The following PLCZ1 variants were observed in gnomAD, a reference collection of about 807,000 sequenced individuals.
PLCZ1 encodes 1-phosphatidylinositol 4,5-bisphosphate phosphodiesterase zeta-1.
PLCZ1 carries 64 observed loss-of-function variants against 76.8 expected under a neutral mutation model. The ratio of observed to expected loss-of-function variants is 0.83; its 90% CI spans 0.68 to 1.03. The LOEUF (loss-of-function observed/expected upper bound fraction) is 1.03. PLCZ1 is among the 50% of genes least tolerant of loss of function. The pLI is 0.00. For synonymous variants in PLCZ1, 248 were observed against 230.8 expected (o/e 1.07, Z -0.68); for missense variants, 751 against 713.7 (o/e 1.05, Z -0.60).
intron 2 of PLCZ1, among the ~76,000 whole-genome samples, chr12:18,737,035 G>T (rs1959413455): frequency 6.6e-6 from 1 of 152,024 alleles, no homozygotes. Flanking sequence ...AGATCGAAAT[G>T]AGATAATGAC....
chr12:18,694,832 T>A, intron 12 of PLCZ1, 78 bp downstream of exon 12: 1 of 1,133,902 alleles, frequency 8.8e-7, no homozygotes, highest in South Asian at 1.5e-5. Flanking sequence ...AGCAAATCAG[T>A]GGAATTCAAA....
At chr12:18,684,446 G>A (rs187069002) in intron 13 of PLCZ1, among the ~76,000 whole-genome samples, 167 bp from the exon 14 acceptor site, 6 of 152,148 alleles carry the variant, frequency 3.9e-5, no homozygotes. Flanking sequence ...ATAATAACCA[G>A]ACAATAATGA....
the PLCZ1 span, among the ~76,000 whole-genome samples, chr12:18,665,724 C>G: frequency 1.3e-5 from 2 of 152,070 alleles, no homozygotes; most frequent in African/African-American, 4.8e-5. Flanking sequence ...ATCACGAGGT[C>G]AGGAGATCGA....
chr12:18,701,059 A>C (rs979086284), intron 9 of PLCZ1, among the ~76,000 whole-genome samples: 4 of 151,418 alleles, frequency 2.6e-5, no homozygotes, highest in Admixed American at 6.6e-5. Flanking sequence ...ATCTCGGCTC[A>C]CTGCAACATC....
chr12:18,679,901 A>C (rs12312063), downstream of PLCZ1, among the ~76,000 whole-genome samples: 59,067 of 151,888 alleles, frequency 0.39, 14,253 homozygotes, highest in South Asian at 0.59. Flanking sequence ...AAGAAAATCT[A>C]TCTCTTCATC....
the PLCZ1 span, among the ~76,000 whole-genome samples, chr12:18,677,352 G>A: frequency 5.3e-5 from 8 of 152,196 alleles, no homozygotes; most frequent in East Asian, 9.7e-4. Context: ...CAATCAAACC[G>A]GTAATGAATA....
At chr12:18,711,158 G>A (rs1957265625) in intron 6 of PLCZ1, among the ~76,000 whole-genome samples, 1 of 151,820 alleles carries the variant, frequency 6.6e-6, no homozygotes, top group Non-Finnish European at 1.5e-5. Context: ...CGATAGACTG[G>A]ATTAAGAAAA....
the PLCZ1 span, among the ~76,000 whole-genome samples, chr12:18,649,243 G>T: frequency 6.6e-6 from 1 of 152,008 alleles, no homozygotes; most frequent in Non-Finnish European, 1.5e-5. Context: ...TCAGTAAAAA[G>T]AAACTGCCAC....
chr12:18,673,971 C>T, the PLCZ1 span, among the ~76,000 whole-genome samples: 2 of 152,134 alleles, frequency 1.3e-5, no homozygotes, highest in Non-Finnish European at 2.9e-5. Flanking sequence ...AGTGACATCA[C>T]CTTCATGTTG....
intron 3 of PLCZ1, among the ~76,000 whole-genome samples, chr12:18,725,005 T>G: frequency 6.6e-6 from 1 of 152,102 alleles, no homozygotes; most frequent in East Asian, 1.9e-4. Flanking sequence ...TTCTAAAAGG[T>G]CAAAGTTGCC....
chr12:18,669,172 A>G, the PLCZ1 span, among the ~76,000 whole-genome samples: 1 of 152,200 alleles, frequency 6.6e-6, no homozygotes. Flanking sequence ...GGGAAACTAA[A>G]GCACACACAC....
At chr12:18,712,806 T>G in intron 6 of PLCZ1, 36 bp downstream of exon 6, 1 of 1,606,058 alleles carries the variant, frequency 6.2e-7, no homozygotes, top group Non-Finnish European at 8.5e-7. Flanking sequence ...TTGCTTCTGT[T>G]TAAATAGCTA....
intron 12 of PLCZ1, 122 bp downstream of exon 12, chr12:18,694,788 C>A: frequency 1.2e-6 from 1 of 804,522 alleles, no homozygotes; most frequent in Non-Finnish European, 1.9e-6. Context: ...CATATAGTAC[C>A]TGAAAAGATT....
downstream of PLCZ1, among the ~76,000 whole-genome samples, chr12:18,680,355 A>G (rs370278230): frequency 5.8e-4 from 88 of 152,140 alleles, 1 homozygote; most frequent in African/African-American, 2.0e-3. Context: ...CATGTTTTAC[A>G]TCCCTCAAGA....
chr12:18,655,526 A>G, the PLCZ1 span, among the ~76,000 whole-genome samples: 1 of 152,194 alleles, frequency 6.6e-6, no homozygotes, highest in Non-Finnish European at 1.5e-5. Context: ...CATATGAGCT[A>G]TGCATAGTGA....
At chr12:18,731,721 C>T (rs551651628) in intron 3 of PLCZ1, among the ~76,000 whole-genome samples, 6 of 151,846 alleles carry the variant, frequency 4.0e-5, no homozygotes, top group South Asian at 2.1e-4. Flanking sequence ...CAAAATCATA[C>T]GCAGGATTTT....
At chr12:18,656,871 G>C in the PLCZ1 span, among the ~76,000 whole-genome samples, 1 of 152,320 alleles carries the variant, frequency 6.6e-6, no homozygotes, top group East Asian at 1.9e-4. Context: ...CAAGAAAAGA[G>C]AGTTAAATTT....
chr12:18,714,509 T>A (rs1487634213), intron 5 of PLCZ1: 6 of 152,202 alleles, frequency 3.9e-5, no homozygotes, highest in African/African-American at 1.4e-4. Context: ...TAAAACGCGA[T>A]CTTGGAAGAG....
intron 3 of PLCZ1, among the ~76,000 whole-genome samples, chr12:18,733,432 G>C (rs938499146): frequency 6.6e-6 from 1 of 151,968 alleles, no homozygotes; most frequent in Non-Finnish European, 1.5e-5. Flanking sequence ...TTCCTTTGCT[G>C]TGCAATAGCC....
Sources: gnomAD v4.1 joint callset for allele counts (sites outside exome capture counted in the v4.1 genomes callset) on GRCh38, gnomAD v4.1.1 for gene constraint, MANE v1.5 for transcripts, NCBI Gene and HGNC (gene_info 2026-07-23, HGNC 2026-07-21) for gene names.